The following NTN4 variants were observed in gnomAD, a reference collection of about 807,000 sequenced individuals.
The protein encoded by NTN4 is netrin-4.
Under a neutral mutation model 73.6 loss-of-function variants are expected in NTN4, and 32 were observed. The observed-to-expected ratio is 0.44, with a 90% CI of 0.33 to 0.58. The LOEUF is 0.58. NTN4 is among the 20% of genes least tolerant of loss of function. The pLI, the probability that NTN4 is intolerant of heterozygous loss-of-function variation, is 0.04. For synonymous variants in NTN4, 258 were observed against 287.5 expected, an observed-to-expected ratio of 0.90 and a Z score of 1.04; for missense variants, 654 against 798.3, an observed-to-expected ratio of 0.82 and a Z score of 2.18.
chr12:95,780,811 A>G (rs2079127131), intron 2 of NTN4, among the ~76,000 whole-genome samples: 1 of 152,246 alleles, frequency 6.6e-6, no homozygotes, highest in Admixed American at 6.5e-5. Flanking sequence ...GTATATACCC[A>G]AAGGATTGTA....
chr12:95,769,524 C>CCAGT (rs1388915249), intron 2 of NTN4, among the ~76,000 whole-genome samples: 4 of 143,228 alleles, frequency 2.8e-5, no homozygotes, highest in African/African-American at 1.0e-4. Flanking sequence ...GCCACCGCAG[C>CCAGT]CAGTGGTGGA....
chr12:95,762,326 C>T, intron 2 of NTN4, among the ~76,000 whole-genome samples: 1 of 152,240 alleles, frequency 6.6e-6, no homozygotes, highest in East Asian at 1.9e-4. Flanking sequence ...CCCTAAGCCA[C>T]AGACAAATAT....
chr12:95,729,185 G>A (rs1008362403), intron 3 of NTN4, among the ~76,000 whole-genome samples: 2 of 151,732 alleles, frequency 1.3e-5, no homozygotes, highest in Non-Finnish European at 2.9e-5. Flanking sequence ...ATGTTTACTT[G>A]TATGAAGTGC....
At chr12:95,677,403 T>C (rs538653913) in intron 7 of NTN4, among the ~76,000 whole-genome samples, 7 of 152,152 alleles carry the variant, frequency 4.6e-5, no homozygotes, top group Non-Finnish European at 8.8e-5. Flanking sequence ...AAGTAACAGA[T>C]GATTCTATTT....
Position 95,658,994 on chromosome 12 carries a change from A to T in NTN4, c.*92T>A. On this transcript the variant is annotated 3_prime_UTR_variant, in exon 10 of 10. Transcript: ENST00000343702. Reference sequence around the variant, plus strand: ...ACATTTCTATATGTTTTGGCACTTTAAAAAATTCCAGTTTCCTGTCTGAGG... The same window carrying T: ...ACATTTCTATATGTTTTGGCACTTTTAAAAATTCCAGTTTCCTGTCTGAGG... 1.6e-6 allele frequency: 2 copies of T among 1,275,278 alleles called. No individual in the cohort carries two copies. Among genetic ancestry groups the T allele is most frequent in the Non-Finnish European group, 1.1e-6 (1 of 929,166 alleles). 79.0% of individuals were successfully genotyped at this position (1,275,278 alleles called of 1,614,324 possible). A position where few individuals can be genotyped will look rare whatever the true frequency, so the allele number is the denominator to read the frequency against.
chr12:95,662,272 C>T, intron 9 of NTN4, among the ~76,000 whole-genome samples: 1 of 145,812 alleles, frequency 6.9e-6, no homozygotes, highest in African/African-American at 2.5e-5. Context: ...ACTCTGTCAC[C>T]CAGGCTGACG....
At chr12:95,726,233 A>G (rs1025379124) in intron 3 of NTN4, among the ~76,000 whole-genome samples, 1 of 152,038 alleles carries the variant, frequency 6.6e-6, no homozygotes, top group Non-Finnish European at 1.5e-5. Flanking sequence ...CATTTTCACC[A>G]CTCCAAAAAG....
In NTN4 at chr12:95,665,953, T is replaced by G. The variant is rs914959949; in HGVS notation, c.1607A>C (p.His536Pro). Residue 536 changes from histidine (H) to proline (P), a missense_variant, in exon 9 of 10, where the codon CAT (histidine) becomes CCT (proline). Physicochemically the swap from His to Pro is moderately conservative, Grantham distance 77. Coordinates refer to ENST00000343702, the MANE Select transcript of NTN4 (RefSeq NM_021229.4). ...YVLKIKILSA[H>P]DKGTHVEVNV... ...GACCTCAACATGAGTACCTTTATCA[T>G]GAGCTGATAAAATCTTTATTTTTAG... 1.2e-6 allele frequency: 2 copies of G among 1,611,022 alleles called. No individual in the cohort carries two copies. The highest frequency in any genetic ancestry group is 1.7e-6 in the Non-Finnish European group (2 of 1,178,444).
chr12:95,712,791 T>C (rs867322341), intron 4 of NTN4, among the ~76,000 whole-genome samples: 894 of 141,612 alleles, frequency 6.3e-3, no homozygotes, highest in Non-Finnish European at 0.01. Context: ...TTCTTTCTTT[T>C]TTTTTTTTTT....
chr12:95,760,956 G>A (rs2078982765), intron 2 of NTN4, among the ~76,000 whole-genome samples: 1 of 152,076 alleles, frequency 6.6e-6, no homozygotes. Context: ...AAAGGGGAGA[G>A]GATTCTACTT....
Position 95,790,206 on chromosome 12 carries a change from A to T in NTN4, c.55+49T>A. The T allele has an allele frequency of 6.7e-7, 1 of 1,493,134 alleles. No homozygotes were observed. Among genetic ancestry groups the T allele is most frequent in the Non-Finnish European group, 9.0e-7 (1 of 1,110,154 alleles). The allele number at this position is 1,493,134 out of a possible 1,614,324, so 92.5% of individuals were successfully genotyped here. A position where few individuals can be genotyped will look rare whatever the true frequency, so the allele number is the denominator to read the frequency against. On this transcript the variant is annotated intron_variant, in intron 1 of 9. Coordinates refer to ENST00000343702, the MANE Select transcript of NTN4 (RefSeq NM_021229.4). The surrounding 1 kb of genome is among the most constrained non-coding windows in gnomAD (Gnocchi z 6.5). ...GCACCCCCGAGTCCCGAGATGGGTTAGAGAAGCAGCGAGGGAAGGGGTGGG... is the reference window on the plus strand; with the variant it reads ...GCACCCCCGAGTCCCGAGATGGGTTTGAGAAGCAGCGAGGGAAGGGGTGGG...
chr12:95,684,566 C>G (rs1215327456), intron 5 of NTN4, among the ~76,000 whole-genome samples: 1 of 151,964 alleles, frequency 6.6e-6, no homozygotes, highest in Non-Finnish European at 1.5e-5. Context: ...CCTTGGCCTC[C>G]TAAGTGCTGG....
intron 5 of NTN4, among the ~76,000 whole-genome samples, chr12:95,689,292 C>G (rs937970330): frequency 6.6e-6 from 1 of 152,228 alleles, no homozygotes; most frequent in Non-Finnish European, 1.5e-5. Context: ...AATGTGGTCA[C>G]TCCTTAGCCA....
intron 2 of NTN4, among the ~76,000 whole-genome samples, chr12:95,749,669 C>A (rs983943923): frequency 1.3e-5 from 2 of 152,220 alleles, no homozygotes; most frequent in African/African-American, 4.8e-5. Flanking sequence ...TATACACCCA[C>A]GTTTCAAAGG....
intron 3 of NTN4, among the ~76,000 whole-genome samples, chr12:95,731,967 C>G (rs1402268614): frequency 6.6e-6 from 1 of 152,114 alleles, no homozygotes; most frequent in Non-Finnish European, 1.5e-5. Flanking sequence ...CAGCACAAGA[C>G]CTGGCACATA....
chr12:95,667,180 C>G (rs997044082), intron 8 of NTN4, among the ~76,000 whole-genome samples: 1 of 149,710 alleles, frequency 6.7e-6, no homozygotes, highest in Non-Finnish European at 1.5e-5. Context: ...CACTAGGGAA[C>G]GTAGGGAAGT....
chr12:95,685,441 T>C (rs2078353987), intron 5 of NTN4, among the ~76,000 whole-genome samples: 2 of 152,314 alleles, frequency 1.3e-5, no homozygotes, highest in East Asian at 1.9e-4. Flanking sequence ...GTGAGAAATA[T>C]AACTTTCCTG....
In NTN4 at chr12:95,658,105, G is replaced by GA. The variant is rs1239052245; in HGVS notation, c.*980dup. ...TATTACTGTTAAGAAAGACAAGGAG[G>GA]AAAACTGTTTCAATGTTCAGGTTTA... On this transcript the variant is annotated 3_prime_UTR_variant, in exon 10 of 10. Coordinates refer to ENST00000343702, the MANE Select transcript of NTN4 (RefSeq NM_021229.4). 1 of 152,268 alleles carries GA rather than the reference G, an allele frequency of 6.6e-6. No homozygotes were observed. The highest frequency in any genetic ancestry group is 2.4e-5 in the African/African-American group (1 of 41,414). The allele number at this position is 152,268 out of a possible 1,614,324, so 9.4% of individuals were successfully genotyped here.
intron 3 of NTN4, among the ~76,000 whole-genome samples, chr12:95,726,576 T>A (rs994154073): frequency 6.6e-6 from 1 of 152,198 alleles, no homozygotes; most frequent in Non-Finnish European, 1.5e-5. Flanking sequence ...CTATGAACAT[T>A]CATGTACAAG....
Sources: allele counts gnomAD v4.1 joint callset (sites outside exome capture counted in the v4.1 genomes callset), GRCh38; gene constraint gnomAD v4.1.1; non-coding constraint Gnocchi (gnomAD v3.1); transcripts MANE v1.5; gene names NCBI Gene and HGNC (gene_info 2026-07-23, HGNC 2026-07-21).